The following PCDHA5 variants were observed in gnomAD, a reference collection of about 807,000 sequenced individuals.
PCDHA5 encodes protocadherin alpha-5.
A neutral mutation model predicts 61.6 loss-of-function variants in PCDHA5; 43 were observed. That is an observed-to-expected ratio of 0.70 (90% CI 0.55 to 0.90). The LOEUF (loss-of-function observed/expected upper bound fraction) is 0.90, where lower values mean the gene tolerates loss of function less well. Ranked by LOEUF, PCDHA5 falls within the 40% of genes least tolerant of loss-of-function variation. PCDHA5 has a pLI of 0.00. For missense variants in PCDHA5, 1,298 were observed against 1,222.7 expected, an observed-to-expected ratio of 1.06 and a Z score of -0.92; for synonymous variants, 627 against 543.9, an observed-to-expected ratio of 1.15 and a Z score of -2.13.
intron 1 of PCDHA5, among the ~76,000 whole-genome samples, chr5:140,953,746 A>G (rs2094931124): frequency 6.6e-6 from 1 of 152,016 alleles, no homozygotes; most frequent in African/African-American, 2.4e-5. Context: ...TTAACATTAC[A>G]TTTATCCAAG....
At chr5:140,936,367 A>C (rs1347774517) in intron 1 of PCDHA5, among the ~76,000 whole-genome samples, 2 of 152,230 alleles carry the variant, frequency 1.3e-5, no homozygotes, top group East Asian at 1.9e-4. Flanking sequence ...GCTACTGAGC[A>C]CTTGAAATGT....
chr5:140,905,048 C>A (rs2153487978), intron 1 of PCDHA5, among the ~76,000 whole-genome samples: 1 of 152,186 alleles, frequency 6.6e-6, no homozygotes, highest in African/African-American at 2.4e-5. Flanking sequence ...TAATTAGGTC[C>A]CATTTATTTA....
At chr5:140,834,336 ATTCGAAGGCAAGTTTTGCTGACTAG>A in intron 1 of PCDHA5, 1 of 1,499,956 alleles carries the variant, frequency 6.7e-7, no homozygotes, top group Non-Finnish European at 9.0e-7. Context: ...ATTCCTATAA[ATTCGAAGGCAAGTTTTGCTGACTAG>A]AAAAACAAGC....
intron 1 of PCDHA5, among the ~76,000 whole-genome samples, chr5:140,906,153 A>G (rs2072404848): frequency 6.6e-6 from 1 of 152,142 alleles, no homozygotes; most frequent in Non-Finnish European, 1.5e-5. Flanking sequence ...ACCCTCACAG[A>G]CACACCCAGG....
At chr5:140,997,091 G>A (rs73268064) in intron 3 of PCDHA5, among the ~76,000 whole-genome samples, 546 of 152,154 alleles carry the variant, frequency 3.6e-3, no homozygotes, top group Middle Eastern at 0.014. Flanking sequence ...AGAAAGTGCA[G>A]AGTTCTCATG....
intron 1 of PCDHA5, chr5:140,869,668 A>G (rs540975019): frequency 1.2e-6 from 2 of 1,613,544 alleles, no homozygotes; most frequent in African/African-American, 1.3e-5. Context: ...TGGTAAGCAG[A>G]TTAAAAGACT....
chr5:140,876,847 G>T, intron 1 of PCDHA5: 1 of 1,614,140 alleles, frequency 6.2e-7, no homozygotes, highest in Non-Finnish European at 8.5e-7. Context: ...CGCGCAGCCC[G>T]AGTACACAGT....
chr5:140,838,280 A>ATTTTTTTTTT (rs34299325), intron 1 of PCDHA5, among the ~76,000 whole-genome samples: 1 of 139,572 alleles, frequency 7.2e-6, no homozygotes, highest in African/African-American at 2.7e-5. Flanking sequence ...AGCCATGCTA[A>ATTTTTTTTTT]TTTTTTTTTT....
intron 1 of PCDHA5, chr5:140,836,486 C>T: frequency 6.2e-7 from 1 of 1,613,874 alleles, no homozygotes; most frequent in Non-Finnish European, 8.5e-7. Context: ...TGTACCTGAT[C>T]ATCGCCATCT....
chr5:140,913,276 CT>C (rs1468388675), intron 1 of PCDHA5, among the ~76,000 whole-genome samples: 1 of 152,070 alleles, frequency 6.6e-6, no homozygotes, highest in Non-Finnish European at 1.5e-5. Flanking sequence ...TGTTATTGGT[CT>C]GTTTAGGTTT....
chr5:140,829,791 C>G, intron 1 of PCDHA5: 1 of 1,613,788 alleles, frequency 6.2e-7, no homozygotes, highest in Non-Finnish European at 8.5e-7. Context: ...GCGCTGCTGG[C>G]GCCTCGGGTG....
At chr5:140,856,540 C>A (rs1554148838) in intron 1 of PCDHA5, 1 of 1,598,162 alleles carries the variant, frequency 6.3e-7, no homozygotes, top group African/African-American at 1.3e-5. Context: ...TTGGAGAGAA[C>A]GCATTGCTTA....
chr5:141,002,649 T>C (rs2098089134), intron 3 of PCDHA5, among the ~76,000 whole-genome samples: 2 of 152,214 alleles, frequency 1.3e-5, no homozygotes, highest in South Asian at 2.1e-4. Context: ...GTCTACTTCA[T>C]AGGGCTCTTG....
intron 1 of PCDHA5, chr5:140,884,452 C>G (rs1203873823): frequency 6.2e-7 from 1 of 1,613,664 alleles, no homozygotes; most frequent in African/African-American, 1.3e-5. Context: ...CACCGCCCAC[C>G]GAGGGCGCGT....
At chr5:140,829,720 G>A (rs1554132185) in intron 1 of PCDHA5, 5 of 1,613,502 alleles carry the variant, frequency 3.1e-6, no homozygotes, top group African/African-American at 1.3e-5. Context: ...CGGGCGTGCC[G>A]CCTCTGGGCA....
rs2045560608 is a variant in PCDHA5 at position 140,858,685 on chromosome 5, T to G, written c.2352+34558T>G. The G allele has an allele frequency of 1.3e-5, 8 of 595,874 alleles. No homozygotes were observed. The South Asian group carries it at 1.9e-4, about 14-fold the overall frequency. 36.9% of individuals were successfully genotyped at this position (595,874 alleles called of 1,614,324 possible). On this transcript the variant is annotated intron_variant, in intron 1 of 3. Transcript: ENST00000529859. ...TAACAATTTATTCTGAATACACTAA[T>G]ATTTTCCAATACAAATATGTGATAT... is the stretch of plus-strand genomic sequence containing the variant.
chr5:140,838,723 T>C (rs1554137164), intron 1 of PCDHA5, among the ~76,000 whole-genome samples: 3 of 151,910 alleles, frequency 2.0e-5, no homozygotes, highest in South Asian at 4.1e-4. Flanking sequence ...ATTGCTTCAG[T>C]CTAGTAGTTT....
At chr5:140,938,214 G>C (rs2091981626) in intron 1 of PCDHA5, among the ~76,000 whole-genome samples, 1 of 152,148 alleles carries the variant, frequency 6.6e-6, no homozygotes, top group Non-Finnish European at 1.5e-5. Context: ...CCAAAGTGCT[G>C]GGATTACAGG....
intron 1 of PCDHA5, among the ~76,000 whole-genome samples, chr5:140,916,528 C>T (rs2077601043): frequency 6.6e-6 from 1 of 152,154 alleles, no homozygotes; most frequent in South Asian, 2.1e-4. Context: ...TGGGTCCTTC[C>T]CACCAAGGCA....
Sources: allele counts gnomAD v4.1 joint callset (sites outside exome capture counted in the v4.1 genomes callset), GRCh38; gene constraint gnomAD v4.1.1; transcripts MANE v1.5; gene names NCBI Gene and HGNC (gene_info 2026-07-23, HGNC 2026-07-21).